DOCK1: variants seen among roughly 807,000 people sequenced by gnomAD.
DOCK1 encodes the protein dedicator of cytokinesis protein 1.
In DOCK1, 138 loss-of-function variants were observed where a neutral mutation model predicts 262.7. The ratio of observed to expected loss-of-function variants is 0.53; its 90% confidence interval spans 0.46 to 0.61. DOCK1 has a LOEUF of 0.61. DOCK1 is among the 20% of genes least tolerant of loss of function. DOCK1 has a pLI of 0.00. For missense variants in DOCK1, 1,908 were observed against 2,370.7 expected, an observed-to-expected ratio of 0.80 and a Z score of 4.05; for synonymous variants, 866 against 867.4, an observed-to-expected ratio of 1.00 and a Z score of 0.03.
At chr10:127,147,771 G>A (rs2052035251) in intron 27 of DOCK1, among the ~76,000 whole-genome samples, 1 of 151,440 alleles carries the variant, frequency 6.6e-6, no homozygotes, top group African/African-American at 2.4e-5. Flanking sequence ...GGTGGCTCAT[G>A]CCTGTAATCC....
chr10:126,913,108 C>CA (rs1027465748), intron 1 of DOCK1, among the ~76,000 whole-genome samples: 1 of 151,704 alleles, frequency 6.6e-6, no homozygotes, highest in Admixed American at 6.6e-5. Flanking sequence ...TCCTTGTAAT[C>CA]AAATTAGTGA....
intron 29 of DOCK1, among the ~76,000 whole-genome samples, chr10:127,307,005 C>G (rs2061901592): frequency 1.3e-5 from 2 of 152,092 alleles, no homozygotes; most frequent in South Asian, 2.1e-4. Context: ...AAGTGAGATC[C>G]ATTTGTAAGA....
chr10:127,298,927 T>G (rs1056449916), intron 29 of DOCK1, among the ~76,000 whole-genome samples: 3 of 152,236 alleles, frequency 2.0e-5, no homozygotes, highest in African/African-American at 7.2e-5. Flanking sequence ...CTCGAGGTGG[T>G]CCAGGGAGAT....
At chr10:127,090,928 C>T (rs928175214) in intron 23 of DOCK1, among the ~76,000 whole-genome samples, 34 of 151,506 alleles carry the variant, frequency 2.2e-4, no homozygotes, top group African/African-American at 7.5e-4. Context: ...TTGGCTGTAG[C>T]GTATAGAGCT....
intron 25 of DOCK1, among the ~76,000 whole-genome samples, chr10:127,111,113 C>G (rs2136253352): frequency 6.6e-6 from 1 of 152,252 alleles, no homozygotes; most frequent in South Asian, 2.1e-4. Context: ...GTTCTCAGTT[C>G]CCCTGTGCTT....
chr10:126,984,706 T>G (rs1167067117), intron 4 of DOCK1, among the ~76,000 whole-genome samples: 1 of 152,196 alleles, frequency 6.6e-6, no homozygotes, highest in African/African-American at 2.4e-5. Flanking sequence ...AAAAATTGTA[T>G]GTATTTATGG....
chr10:127,031,403 A>G (rs898767685), intron 16 of DOCK1, among the ~76,000 whole-genome samples: 3 of 152,072 alleles, frequency 2.0e-5, no homozygotes, highest in Non-Finnish European at 4.4e-5. Context: ...AATCTCTTCT[A>G]TGAGATTTTG....
chr10:127,276,720 A>C (rs918006420), intron 29 of DOCK1, among the ~76,000 whole-genome samples: 5 of 149,750 alleles, frequency 3.3e-5, no homozygotes, highest in African/African-American at 1.2e-4. Flanking sequence ...TGGATGCAGC[A>C]AAAATTTTGA....
intron 45 of DOCK1, among the ~76,000 whole-genome samples, chr10:127,419,045 G>C (rs559102508): frequency 6.6e-6 from 1 of 152,296 alleles, no homozygotes; most frequent in African/African-American, 2.4e-5. Context: ...AGAAGGCCAC[G>C]CCTGTGCACT....
At chr10:126,931,111 C>T (rs1329918553) in intron 1 of DOCK1, among the ~76,000 whole-genome samples, 1 of 151,984 alleles carries the variant, frequency 6.6e-6, no homozygotes, top group African/African-American at 2.4e-5. Flanking sequence ...AGGTCTCTGA[C>T]CCAGGAGGGA....
intron 31 of DOCK1, among the ~76,000 whole-genome samples, chr10:127,348,556 A>G (rs145332946): frequency 1.3e-5 from 2 of 152,170 alleles, no homozygotes; most frequent in Non-Finnish European, 2.9e-5. Flanking sequence ...GTTAAGTTTG[A>G]TGGCAAAGTC....
rs34290357 is a variant in DOCK1, at chr10:127,446,264, G to GA, written c.5414-1119dup. Among the ~76,000 whole-genome samples, 46,476 of 142,720 alleles carry GA rather than the reference G, an allele frequency of 0.33. 7,695 individuals are homozygous for GA. The highest frequency in any genetic ancestry group is 0.44 in the East Asian group (2,181 of 4,972). The allele number at this position is 142,720 out of a possible 152,430, so 93.6% of individuals were successfully genotyped here. ...GACTCCATCCCAAACAAAAAGAAAA[G>GA]AAAAAAAAAAAGAAAGTAGAATAGA... is the stretch of plus-strand genomic sequence containing the variant. On this transcript the variant is annotated intron_variant, in intron 50 of 51. Transcript: ENST00000623213. This position sits in a 1 kb window ranked among gnomAD's most constrained non-coding sequence, Gnocchi z 4.4.
intron 46 of DOCK1, among the ~76,000 whole-genome samples, chr10:127,420,108 G>A (rs1054608101): frequency 1.4e-4 from 21 of 152,336 alleles, no homozygotes; most frequent in Admixed American, 1.0e-3. Context: ...AAAGGCGCTC[G>A]GGCCAGTGCA....
intron 27 of DOCK1, among the ~76,000 whole-genome samples, chr10:127,156,882 T>C (rs2053139434): frequency 6.6e-6 from 1 of 152,202 alleles, no homozygotes; most frequent in African/African-American, 2.4e-5. Context: ...ATATTGCTCT[T>C]CTAAAGCCCT....
Position 127,098,535 on chromosome 10 carries a change from C to T in DOCK1, c.2446-7696C>T, listed in dbSNP as rs79702698. ...CACGTCATTCCATTCTCCCACAGCCCCTTGAGGCAGGCCCTGTTGATCACC... is the reference window on the plus strand; with the variant it reads ...CACGTCATTCCATTCTCCCACAGCCTCTTGAGGCAGGCCCTGTTGATCACC... On this transcript the variant is annotated intron_variant, in intron 23 of 51. Transcript: ENST00000623213. Among the ~76,000 whole-genome samples, 854 of 152,212 alleles carry T rather than the reference C, an allele frequency of 5.6e-3. 9 individuals carry two copies. The highest frequency in any genetic ancestry group is 0.019 in the African/African-American group (789 of 41,548).
At chr10:127,392,734 C>G (rs575377821) in intron 38 of DOCK1, among the ~76,000 whole-genome samples, 82 of 152,298 alleles carry the variant, frequency 5.4e-4, no homozygotes, top group African/African-American at 1.9e-3. Flanking sequence ...AAGGCCATGC[C>G]TCCCACCTCC....
intron 43 of DOCK1, among the ~76,000 whole-genome samples, chr10:127,414,243 T>G (rs2068030368): frequency 1.3e-5 from 2 of 152,176 alleles, no homozygotes; most frequent in African/African-American, 4.8e-5. Flanking sequence ...CATTCCATTA[T>G]CCCATCTGCT....
chr10:127,392,747 A>C, intron 38 of DOCK1, among the ~76,000 whole-genome samples: 1 of 151,650 alleles, frequency 6.6e-6, no homozygotes. Flanking sequence ...CCACCTCCCC[A>C]CCCCCAGCGC....
intron 29 of DOCK1, among the ~76,000 whole-genome samples, chr10:127,260,611 ATG>A (rs2059992578): frequency 6.7e-6 from 1 of 149,878 alleles, no homozygotes; most frequent in Admixed American, 6.6e-5. Flanking sequence ...GTGTACCTGC[ATG>A]TGTGTGCATG....
Sources: allele counts gnomAD v4.1 joint callset (sites outside exome capture counted in the v4.1 genomes callset), GRCh38; gene constraint gnomAD v4.1.1; non-coding constraint Gnocchi (gnomAD v3.1); transcripts MANE v1.5; gene names NCBI Gene and HGNC (gene_info 2026-07-23, HGNC 2026-07-21).